The following TRHDE variants were observed in gnomAD, a reference collection of about 807,000 sequenced individuals.
The protein encoded by TRHDE is thyrotropin-releasing hormone-degrading ectoenzyme.
TRHDE carries 72 observed loss-of-function variants against 125.7 expected under a neutral mutation model. The observed-to-expected ratio is 0.57, with a 90% CI of 0.47 to 0.70. The LOEUF (loss-of-function observed/expected upper bound fraction) is 0.70, where lower values mean the gene tolerates loss of function less well. TRHDE is among the 30% of genes least tolerant of loss of function. The probability of loss-of-function intolerance (pLI) is 0.00; values close to 1 mark genes in which losing one functional copy is unlikely to be tolerated. For synonymous variants in TRHDE, 509 were observed against 509.1 expected, an observed-to-expected ratio of 1.00 and a Z score of 0.00; for missense variants, 1,110 against 1,327.1, an observed-to-expected ratio of 0.84 and a Z score of 2.54.
intron 16 of TRHDE, 37 bp downstream of exon 16, chr12:72,652,526 G>C: frequency 1.3e-6 from 2 of 1,510,950 alleles, no homozygotes; most frequent in Non-Finnish European, 1.8e-6. Context: ...TTTCTCTAAT[G>C]AAAGTATTCT....
rs111599427 is a variant in TRHDE at position 72,315,912 on chromosome 12, AT to A, written c.1188+28964del. On this transcript the variant is annotated intron_variant, in intron 2 of 18. Coordinates refer to ENST00000261180, the MANE Select transcript of TRHDE (RefSeq NM_013381.3). ...GGTTACTTTAAAAGGATGCTCAATG[AT>A]TTTTTCCCCCTTTTTATGTAATTTA... Among the ~76,000 whole-genome samples the A allele has an allele frequency of 1.8e-3, 270 of 152,234 alleles. 2 individuals carry two copies. The highest frequency in any genetic ancestry group is 6.2e-3 in the African/African-American group (259 of 41,538).
intron 15 of TRHDE, among the ~76,000 whole-genome samples, chr12:72,629,992 G>A (rs1873414352): frequency 6.7e-6 from 1 of 150,042 alleles, no homozygotes; most frequent in Admixed American, 6.7e-5. Context: ...GGTAAAATAT[G>A]GAAGCATCAA....
intron 2 of TRHDE, among the ~76,000 whole-genome samples, chr12:72,137,948 G>A (rs1051455142): frequency 4.6e-5 from 7 of 152,228 alleles, no homozygotes; most frequent in Admixed American, 2.0e-4. Context: ...GTAAGAAAGT[G>A]AAAATGGCAG....
At chr12:72,334,822 G>A (rs1384770989) in intron 2 of TRHDE, among the ~76,000 whole-genome samples, 1 of 152,200 alleles carries the variant, frequency 6.6e-6, no homozygotes, top group South Asian at 2.1e-4. Flanking sequence ...GATCCTGAGC[G>A]AGGAGGGTGC....
chr12:72,212,212 C>T (rs1383293085), intron 2 of TRHDE, among the ~76,000 whole-genome samples: 1 of 151,672 alleles, frequency 6.6e-6, no homozygotes, highest in Admixed American at 6.6e-5. Flanking sequence ...AATGTATTGG[C>T]TTATACGTGT....
intron 2 of TRHDE, among the ~76,000 whole-genome samples, chr12:72,240,938 A>G (rs1051894404): frequency 6.6e-6 from 1 of 152,078 alleles, no homozygotes; most frequent in Admixed American, 6.5e-5. Flanking sequence ...TCTCGATTCA[A>G]TCTAGAAATT....
chr12:72,634,158 A>G (rs970568839), intron 15 of TRHDE, among the ~76,000 whole-genome samples: 7 of 152,102 alleles, frequency 4.6e-5, no homozygotes, highest in Non-Finnish European at 1.0e-4. Flanking sequence ...CATTTTCCAG[A>G]AGGGGAAACT....
chr12:72,182,048 T>C (rs1213348397), intron 2 of TRHDE, among the ~76,000 whole-genome samples: 1 of 152,208 alleles, frequency 6.6e-6, no homozygotes, highest in African/African-American at 2.4e-5. Context: ...ATCCTGTCAC[T>C]GAATGCATTA....
At chr12:72,471,734 C>T (rs1024573020) in intron 4 of TRHDE, among the ~76,000 whole-genome samples, 10 of 152,156 alleles carry the variant, frequency 6.6e-5, no homozygotes, top group Non-Finnish European at 1.5e-4. Context: ...CCTCAACATA[C>T]TGAGAGCTGT....
At chr12:72,477,069 T>C (rs990823219) in intron 5 of TRHDE, among the ~76,000 whole-genome samples, 4 of 152,152 alleles carry the variant, frequency 2.6e-5, no homozygotes, top group Admixed American at 6.6e-5. Flanking sequence ...CATTTCCCCT[T>C]TCTAACTCAT....
At chr12:72,118,953 A>T in intron 2 of TRHDE, among the ~76,000 whole-genome samples, 1 of 151,896 alleles carries the variant, frequency 6.6e-6, no homozygotes, top group Non-Finnish European at 1.5e-5. Context: ...TAGTCTGGCT[A>T]AAGGTTTGTT....
chr12:72,431,937 C>T (rs978049450), intron 3 of TRHDE: 6 of 199,384 alleles, frequency 3.0e-5, no homozygotes, highest in East Asian at 1.2e-4. Flanking sequence ...ACAAATTTCA[C>T]GGAGTGCCAC....
intron 2 of TRHDE, among the ~76,000 whole-genome samples, chr12:72,370,921 T>G (rs1334606293): frequency 6.6e-6 from 1 of 152,082 alleles, no homozygotes; most frequent in East Asian, 1.9e-4. Context: ...TTTTATATTT[T>G]TGTTAGAGAT....
chr12:72,189,030 A>G (rs1009553451), intron 2 of TRHDE, among the ~76,000 whole-genome samples: 3 of 152,242 alleles, frequency 2.0e-5, no homozygotes, highest in African/African-American at 7.2e-5. Flanking sequence ...AATAAAATGC[A>G]TATTCACTTA....
chr12:72,290,508 T>A (rs186589466), intron 2 of TRHDE, among the ~76,000 whole-genome samples: 2 of 152,346 alleles, frequency 1.3e-5, no homozygotes, highest in Admixed American at 1.3e-4. Flanking sequence ...GCCATTTTAT[T>A]ATGTTCAAAG....
At chr12:72,276,315 A>G (rs1203855354) in intron 1 of TRHDE, among the ~76,000 whole-genome samples, 1 of 152,244 alleles carries the variant, frequency 6.6e-6, no homozygotes, top group Non-Finnish European at 1.5e-5. Context: ...AATTTTGCCA[A>G]TTTAATTATA....
chr12:72,363,066 A>G (rs989059020), intron 2 of TRHDE, among the ~76,000 whole-genome samples: 1 of 151,956 alleles, frequency 6.6e-6, no homozygotes, highest in Non-Finnish European at 1.5e-5. Flanking sequence ...TTGGTTCCAT[A>G]TGAACTTTAA....
At chr12:72,286,536 A>T (rs1466610051) in intron 1 of TRHDE, 145 bp from the exon 2 acceptor site, 1 of 711,082 alleles carries the variant, frequency 1.4e-6, no homozygotes. Context: ...TTATGCTTTC[A>T]TGCTATTCAT....
intron 2 of TRHDE, among the ~76,000 whole-genome samples, chr12:72,351,064 A>G (rs1488603028): frequency 3.3e-5 from 5 of 151,984 alleles, no homozygotes; most frequent in Non-Finnish European, 5.9e-5. Flanking sequence ...CACACGGGAG[A>G]GCTGGAGAAA....
Sources: gnomAD v4.1 joint callset for allele counts (sites outside exome capture counted in the v4.1 genomes callset) on GRCh38, gnomAD v4.1.1 for gene constraint, MANE v1.5 for transcripts, NCBI Gene and HGNC (gene_info 2026-07-23, HGNC 2026-07-21) for gene names.